The following CASP8 variants were observed in gnomAD, a reference collection of about 807,000 sequenced individuals.
The protein encoded by CASP8 is caspase-8.
Under a neutral mutation model 46.3 loss-of-function variants are expected in CASP8, and 24 were observed. That is an observed-to-expected ratio of 0.52 (90% CI 0.38 to 0.73). The LOEUF is 0.73. Among genes scored for constraint, CASP8 ranks in the 30% least tolerant of loss-of-function variants. The probability of loss-of-function intolerance (pLI) is 0.00; values close to 1 mark genes in which losing one functional copy is unlikely to be tolerated. For missense variants in CASP8, 460 were observed against 559.0 expected (o/e 0.82, Z 1.79); for synonymous variants, 188 against 200.4 (o/e 0.94, Z 0.52).
At chr2:201,267,220 CTCTTA>C (rs1947885614) in intron 2 of CASP8, among the ~76,000 whole-genome samples, 1 of 152,054 alleles carries the variant, frequency 6.6e-6, no homozygotes, top group Admixed American at 6.5e-5. Flanking sequence ...TTTTTTTCCT[CTCTTA>C]TCTTGATGCC....
chr2:201,286,114 C>T (rs555419796), intron 8 of CASP8, among the ~76,000 whole-genome samples: 4 of 152,272 alleles, frequency 2.6e-5, no homozygotes, highest in Admixed American at 1.3e-4. Flanking sequence ...GATGTCAATT[C>T]GAGGCAGAGA....
At chr2:201,274,818 C>A in intron 5 of CASP8, 71 bp from the exon 6 acceptor site, 1 of 1,156,982 alleles carries the variant, frequency 8.6e-7, no homozygotes, top group Non-Finnish European at 1.3e-6. Context: ...GTCCTATGTG[C>A]TACATATTTC....
At chr2:201,241,426 A>G (rs932374995) in intron 2 of CASP8, 1 of 152,238 alleles carries the variant, frequency 6.6e-6, no homozygotes, top group African/African-American at 2.4e-5. Context: ...GAACAATTCT[A>G]TTCCAACAAA....
intron 2 of CASP8, among the ~76,000 whole-genome samples, chr2:201,239,266 C>G (rs1576187102): frequency 6.6e-6 from 1 of 152,308 alleles, no homozygotes; most frequent in East Asian, 1.9e-4. Flanking sequence ...ATGGCCCGTT[C>G]TCAATGAGCT....
chr2:201,261,369 C>T (rs374579906), intron 1 of CASP8, among the ~76,000 whole-genome samples: 1 of 112,706 alleles, frequency 8.9e-6, no homozygotes, highest in East Asian at 2.4e-4. Flanking sequence ...CCAGCCTGGG[C>T]AACAAGAGCG....
At chr2:201,250,986 C>T (rs2124993796) in intron 2 of CASP8, among the ~76,000 whole-genome samples, 1 of 152,320 alleles carries the variant, frequency 6.6e-6, no homozygotes, top group Admixed American at 6.5e-5. Context: ...ATCAGAATGT[C>T]ACATAGTTGG....
At position 201,287,533 on chromosome 2, in the gene CASP8, T is replaced by C. The variant is rs1426528407; in HGVS notation, c.*939T>C. ...TATTGCTTTTATGATATATATATGC[T>C]TGGCTAACTATATTTGCTTTTTGCT... On this transcript the variant is annotated 3_prime_UTR_variant, in exon 9 of 9. Transcript: ENST00000673742. 1.3e-5 allele frequency: 2 copies of C among 154,386 alleles called. No homozygotes were observed. Among genetic ancestry groups the C allele is most frequent in the Non-Finnish European group, 2.9e-5 (2 of 68,172 alleles). 9.6% of individuals were successfully genotyped at this position (154,386 alleles called of 1,614,324 possible). A position where few individuals can be genotyped will look rare whatever the true frequency, so the allele number is the denominator to read the frequency against.
rs752547274 is a variant in CASP8 at position 201,272,703 on chromosome 2, C to T, written c.477C>T (p.Ile159=). 1.9e-6 allele frequency: 3 copies of T among 1,613,966 alleles called. No individual in the cohort carries two copies. The African/African-American group carries it at 4.0e-5, about 22-fold the overall frequency. ...TCCTGGGAGAAGGAAAGTTGGACAT[C>T]CTGAAAAGAGTCTGTGCCCAAATCA... ...RVILGEGKLD[I]LKRVCAQINK... The change falls in exon 4 of 9, where the codon ATC becomes ATT. Residue 159 remains isoleucine (I), a synonymous_variant. Coordinates refer to ENST00000673742, the MANE Select transcript of CASP8 (RefSeq NM_001372051.1). The surrounding 1 kb of genome is among the most constrained non-coding windows in gnomAD (Gnocchi z 4.4).
rs952491706 is a variant in CASP8, at chr2:201,249,315, A to G, written c.-27+15203A>G. ...TTGTTGATCTGTCGTTATTTACTAT[A>G]AAGACGATCCTTTTTTCACTTCACC... On this transcript the variant is annotated intron_variant, in intron 2 of 6. Coordinates refer to the CASP8 transcript ENST00000264274. 2.6e-5 allele frequency among the ~76,000 whole-genome samples: 4 copies of G among 152,212 alleles called. No individual in the cohort carries two copies. The South Asian group carries it at 8.3e-4, about 31-fold the overall frequency.
In CASP8 at chr2:201,266,479, T is replaced by G; in HGVS notation, c.-8T>G. ...GACTTAGATTATATTCTCCTGCCTT[T>G]TAAAAAGATGGACTTCAGCAGAAAT... On this transcript the variant is annotated 5_prime_UTR_variant, in exon 2 of 9. Transcript: ENST00000673742. This position sits in a 1 kb window ranked among gnomAD's most constrained non-coding sequence, Gnocchi z 5.7. The G allele has an allele frequency of 6.2e-7, 1 of 1,613,232 alleles. No homozygotes were observed. Among genetic ancestry groups the G allele is most frequent in the Non-Finnish European group, 8.5e-7 (1 of 1,179,160 alleles).
rs1291072953 is a variant in CASP8, at chr2:201,234,645, G to A, written c.-27+533G>A. Among the ~76,000 whole-genome samples, 6 of 151,064 alleles carry A rather than the reference G, an allele frequency of 4.0e-5. No homozygotes were observed. In the East Asian group the frequency reaches 9.7e-4, roughly 24 times the overall value. On this transcript the variant is annotated intron_variant, in intron 2 of 6. Coordinates refer to the CASP8 transcript ENST00000264274. ...TTTTTTTTGTATTTTTAGTAGAGAT[G>A]GGGGGGTCTCACCATGTTGGCCAGG...
At position 201,286,485 on chromosome 2, in the gene CASP8, CTGAAG is replaced by C. The variant is rs1193329479; in HGVS notation, c.1336_1340del (p.Val446LeufsTer2). 1.2e-6 allele frequency: 2 copies of C among 1,612,574 alleles called. No individual in the cohort carries two copies. The highest frequency in any genetic ancestry group is 1.1e-5 in the South Asian group (1 of 91,058). On this transcript the variant is annotated frameshift_variant, in exon 9 of 9. Coordinates refer to ENST00000673742, the MANE Select transcript of CASP8 (RefSeq NM_001372051.1). LOFTEE classifies it high-confidence loss of function. ...GGCGATGATATTCTCACCATCCTGA[CTGAAG>C]TGAACTATGAAGTAAGCAACAAGGA...
At chr2:201,276,727 G>A (rs923180179) in intron 6 of CASP8, 100 bp from the exon 7 acceptor site, 7 of 1,484,398 alleles carry the variant, frequency 4.7e-6, no homozygotes, top group African/African-American at 4.2e-5. Flanking sequence ...AGTTGGGGTG[G>A]TGCAATGGAA....
chr2:201,255,262 G>A (rs1397399065), intron 2 of CASP8, among the ~76,000 whole-genome samples: 2 of 152,146 alleles, frequency 1.3e-5, no homozygotes, highest in African/African-American at 4.8e-5. Context: ...ATTTTTAGTA[G>A]AGATGGGGTT....
At chr2:201,268,486 G>A (rs565811875) in intron 2 of CASP8, among the ~76,000 whole-genome samples, 1 of 152,206 alleles carries the variant, frequency 6.6e-6, no homozygotes, top group African/African-American at 2.4e-5. Flanking sequence ...AGGAGGTGGA[G>A]GTTGCAGTAA....
intron 7 of CASP8, chr2:201,281,896 TA>T (rs1472091106): frequency 6.7e-7 from 1 of 1,495,242 alleles, no homozygotes; most frequent in East Asian, 2.6e-5. Context: ...CAGCTACGAA[TA>T]TAGAGGGTTT....
At position 201,249,640 on chromosome 2, in the gene CASP8, G is replaced by T. The variant is rs541990447; in HGVS notation, c.-27+15528G>T. On this transcript the variant is annotated intron_variant, in intron 2 of 6. Coordinates refer to the CASP8 transcript ENST00000264274. ...TTCGGGAGGCTAAGGCGAGAGGATC[G>T]CTTGAGCGCGGGAGGCGGAGGTTGC... is the stretch of plus-strand genomic sequence containing the variant. Among the ~76,000 whole-genome samples, 15 of 152,318 alleles carry T rather than the reference G, an allele frequency of 9.8e-5. 1 individual carries two copies. The South Asian group carries it at 3.1e-3, about 32-fold the overall frequency.
intron 7 of CASP8, among the ~76,000 whole-genome samples, chr2:201,277,417 G>A (rs998847943): frequency 6.6e-6 from 1 of 152,118 alleles, no homozygotes; most frequent in Admixed American, 6.5e-5. Flanking sequence ...AAACTGGTTA[G>A]CAATTCTTTT....
At chr2:201,278,388 T>A (rs1161014243) in intron 7 of CASP8, among the ~76,000 whole-genome samples, 1 of 152,236 alleles carries the variant, frequency 6.6e-6, no homozygotes, top group African/African-American at 2.4e-5. Flanking sequence ...TACAGTCATT[T>A]TTTTAATCAA....
Sources: gnomAD v4.1 joint callset for allele counts (sites outside exome capture counted in the v4.1 genomes callset) on GRCh38, gnomAD v4.1.1 for gene constraint, Gnocchi (gnomAD v3.1) non-coding constraint, MANE v1.5 for transcripts, NCBI Gene and HGNC (gene_info 2026-07-23, HGNC 2026-07-21) for gene names.